Variants in ENO4 observed in about 807,000 individuals in gnomAD.
ENO4 encodes the protein enolase 4.
ENO4 carries 53 observed loss-of-function variants against 63.2 expected under a neutral mutation model. The ratio of observed to expected loss-of-function variants is 0.84; its 90% CI spans 0.67 to 1.05. ENO4 has a LOEUF of 1.05. ENO4 is among the 50% of genes least tolerant of loss of function. The pLI, the probability that ENO4 is intolerant of heterozygous loss-of-function variation, is 0.00. For missense variants in ENO4, 719 were observed against 772.0 expected (o/e 0.93, Z 0.81); for synonymous variants, 266 against 283.8 (o/e 0.94, Z 0.63).
chr10:116,881,786 T>G lies in ENO4; in HGVS notation c.*117T>G. On this transcript the variant is annotated 3_prime_UTR_variant, in exon 14 of 14. Coordinates refer to ENST00000341276, the MANE Select transcript of ENO4 (RefSeq NM_001242699.2). ...TCTTCAACTTCACCAACTCTTGTGG[T>G]TTTTATTCTTCTAATTCCACTGTTT... 1.3e-6 allele frequency: 1 copy of G among 753,468 alleles called. No homozygotes were observed. The highest frequency in any genetic ancestry group is 1.9e-6 in the Non-Finnish European group (1 of 526,030). 46.7% of individuals were successfully genotyped at this position (753,468 alleles called of 1,614,324 possible).
At position 116,856,603 on chromosome 10, in the gene ENO4, CA is replaced by C; in HGVS notation, c.407del (p.Gln136ArgfsTer103). ...ERASAVSTAV[Q>X]WVNSTITHEL... ...GGCCAGCGCGGTGAGCACCGCCGTG[CA>C]GTGGGTCAACAGCACCATCACGCAC... On this transcript the variant is annotated frameshift_variant, in exon 3 of 14. Coordinates refer to ENST00000341276, the MANE Select transcript of ENO4 (RefSeq NM_001242699.2). LOFTEE classifies it high-confidence loss of function. The C allele has an allele frequency of 6.5e-7, 1 of 1,536,180 alleles. No homozygotes were observed. Among genetic ancestry groups the C allele is most frequent in the Non-Finnish European group, 8.7e-7 (1 of 1,146,936 alleles).
At chr10:116,878,871 G>A (rs1266688568) in intron 11 of ENO4, among the ~76,000 whole-genome samples, 2 of 151,432 alleles carry the variant, frequency 1.3e-5, no homozygotes, top group South Asian at 4.2e-4. Flanking sequence ...AGCCTCGCGA[G>A]TAGCTGGGAC....
At chr10:116,906,846 A>G in intron 10 of ENO4, 2 of 988,140 alleles carry the variant, frequency 2.0e-6, no homozygotes, top group South Asian at 4.5e-5. Context: ...CAGAATTTGA[A>G]TGGAATTATG....
intron 10 of ENO4, among the ~76,000 whole-genome samples, chr10:116,903,259 G>A (rs1482878495): frequency 1.3e-5 from 2 of 152,078 alleles, no homozygotes; most frequent in Admixed American, 6.6e-5. Flanking sequence ...CCGGCTGTAC[G>A]TGGTGGCTCA....
intron 1 of ENO4, 124 bp from the exon 2 acceptor site, chr10:116,855,499 G>A (rs1423530381): frequency 1.6e-6 from 2 of 1,232,426 alleles, no homozygotes; most frequent in Non-Finnish European, 2.3e-6. Context: ...TCGCGGAGAG[G>A]TTTGGTAGAA....
chr10:116,886,660 A>G, downstream of ENO4: 1 of 1,537,272 alleles, frequency 6.5e-7, no homozygotes, highest in East Asian at 2.2e-5. Context: ...TAAAACCCAA[A>G]ATGTTCTAAG....
In ENO4 at chr10:116,849,633, G is replaced by T; in HGVS notation, c.67G>T (p.Ala23Ser). The T allele has an allele frequency of 6.5e-7, 1 of 1,550,304 alleles. No individual in the cohort carries two copies. Among genetic ancestry groups the T allele is most frequent in the Non-Finnish European group, 8.7e-7 (1 of 1,146,848 alleles). ...GGAGCTGCAGAAGCTGAAGCAGCAG[G>T]CGATGGAGTACTACCGGGAGAACGA... ...TRELQKLKQQ[A>S]MEYYRENDVP... Residue 23 changes from alanine (A) to serine (S), a missense_variant, in exon 1 of 14, where the codon GCG becomes TCG. Physicochemically the swap from Ala to Ser is moderately conservative, Grantham distance 99 (BLOSUM62 1). Coordinates refer to ENST00000341276, the MANE Select transcript of ENO4 (RefSeq NM_001242699.2).
At chr10:116,893,170 G>T (rs1847392452) in intron 10 of ENO4, among the ~76,000 whole-genome samples, 1 of 152,146 alleles carries the variant, frequency 6.6e-6, no homozygotes, top group Non-Finnish European at 1.5e-5. Context: ...CAGAACACTT[G>T]TAAGACAATC....
chr10:116,886,631 T>C (rs1236923971), downstream of ENO4: 29 of 1,595,430 alleles, frequency 1.8e-5, no homozygotes, highest in Non-Finnish European at 2.3e-5. Context: ...GTCTCTGATA[T>C]TCTGGATTCA....
chr10:116,871,101 G>GA (rs1386095957), intron 8 of ENO4, 24 bp from the exon 9 acceptor site: 1 of 1,549,036 alleles, frequency 6.5e-7, no homozygotes, highest in East Asian at 2.4e-5. Flanking sequence ...TATTGACATG[G>GA]ATCATTGTCT....
intron 10 of ENO4, among the ~76,000 whole-genome samples, chr10:116,891,756 C>T (rs1295179153): frequency 6.6e-6 from 1 of 151,998 alleles, no homozygotes; most frequent in Non-Finnish European, 1.5e-5. Context: ...TTTTAATACA[C>T]TTGTCCAAAA....
At position 116,875,567 on chromosome 10, in the gene ENO4, A is replaced by ACACACACACACG. The variant is rs1245373972; in HGVS notation, c.1342-487_1342-486insGCACACACACAC. Among the ~76,000 whole-genome samples the ACACACACACACG allele has an allele frequency of 5.9e-5, 9 of 151,492 alleles. No homozygotes were observed. In the East Asian group the frequency reaches 7.7e-4, roughly 13 times the overall value. On this transcript the variant is annotated intron_variant, in intron 10 of 13. Transcript: ENST00000341276. ...GCCACATTGTCCAGGCTGGTCACACACACACACACACACACACACATGCAC... is the reference window on the plus strand; with the variant it reads ...GCCACATTGTCCAGGCTGGTCACACACACACACACACGCACACACACACACACACACATGCAC...
At chr10:116,880,617 C>T (rs1846978631) in intron 13 of ENO4, among the ~76,000 whole-genome samples, 1 of 152,100 alleles carries the variant, frequency 6.6e-6, no homozygotes, top group Admixed American at 6.5e-5. Context: ...TGATTATAAA[C>T]TTGTCATGTT....
intron 10 of ENO4, among the ~76,000 whole-genome samples, chr10:116,893,597 C>CACACACACACACACACACACACAT: frequency 6.6e-6 from 1 of 151,342 alleles, no homozygotes; most frequent in Non-Finnish European, 1.5e-5. Flanking sequence ...CACACACACA[C>CACACACACACACACACACACACAT]GAGAAAGAAA....
rs190435012 is a variant in ENO4 at position 116,890,851 on chromosome 10, C to T, written c.1194+10865C>T. ...CATGCCAACGCTGAACTTTACAGGA[C>T]TCAGTGATTTCTCAGACTGTGTTAC... On this transcript the variant is annotated intron_variant, in intron 10 of 10. Coordinates refer to the ENO4 transcript ENST00000369207. Among the ~76,000 whole-genome samples the T allele has an allele frequency of 2.8e-3, 423 of 152,358 alleles. 4 individuals carry two copies. Among genetic ancestry groups the T allele is most frequent in the Non-Finnish European group, 5.3e-4 (36 of 68,032 alleles).
chr10:116,896,929 C>A (rs1847543356), intron 10 of ENO4, among the ~76,000 whole-genome samples: 1 of 152,008 alleles, frequency 6.6e-6, no homozygotes, highest in Non-Finnish European at 1.5e-5. Context: ...GCCTCAGCCT[C>A]CTAAGTAGCT....
intron 10 of ENO4, among the ~76,000 whole-genome samples, chr10:116,899,782 G>A (rs969513866): frequency 6.6e-6 from 1 of 152,184 alleles, no homozygotes; most frequent in Non-Finnish European, 1.5e-5. Context: ...ACTTCAAAGT[G>A]CTTTGACAGG....
Position 116,891,513 on chromosome 10 carries a change from CAGAA to C in ENO4, c.1194+11531_1194+11534del, listed in dbSNP as rs531503643. Among the ~76,000 whole-genome samples, 110 of 152,286 alleles carry C rather than the reference CAGAA, an allele frequency of 7.2e-4. 2 individuals carry two copies. In the South Asian group the frequency reaches 0.022, roughly 30 times the overall value. ...ATTTACCGCCTTCAAGGACAGAAAA[CAGAA>C]AGATTTAAATTTGTCTTTATAAAGT... On this transcript the variant is annotated intron_variant, in intron 10 of 10. Transcript: ENST00000369207.
rs145164767 is a variant in ENO4 at position 116,894,258 on chromosome 10, T to C, written c.1194+14272T>C. 3.3e-5 allele frequency among the ~76,000 whole-genome samples: 5 copies of C among 152,302 alleles called. No homozygotes were observed. In the East Asian group the frequency reaches 9.6e-4, roughly 29 times the overall value. On this transcript the variant is annotated intron_variant, in intron 10 of 10. Transcript: ENST00000369207. ...CATGTATTTAGAGATACCACAGACATAGAAATTAAATGCAAATTAAAATAA... is the reference window on the plus strand; with the variant it reads ...CATGTATTTAGAGATACCACAGACACAGAAATTAAATGCAAATTAAAATAA...
Sources: gnomAD v4.1 joint callset for allele counts (sites outside exome capture counted in the v4.1 genomes callset) on GRCh38, gnomAD v4.1.1 for gene constraint, MANE v1.5 for transcripts, NCBI Gene and HGNC (gene_info 2026-07-23, HGNC 2026-07-21) for gene names.